NHSL1: variants seen among roughly 807,000 people sequenced by gnomAD.
The protein encoded by NHSL1 is NHS like 1.
Under a neutral mutation model 95.0 loss-of-function variants are expected in NHSL1, and 48 were observed. That is an observed-to-expected ratio of 0.51 (90% CI 0.40 to 0.64). NHSL1 has a LOEUF of 0.64. Among genes scored for constraint, NHSL1 ranks in the 30% least tolerant of loss-of-function variants. The pLI, the probability that NHSL1 is intolerant of heterozygous loss-of-function variation, is 0.00. For synonymous variants in NHSL1, 783 were observed against 833.9 expected, an observed-to-expected ratio of 0.94 and a Z score of 1.05; for missense variants, 1,971 against 2,077.7, an observed-to-expected ratio of 0.95 and a Z score of 1.00.
intron 1 of NHSL1, among the ~76,000 whole-genome samples, chr6:138,620,185 A>G (rs1784636228): frequency 6.6e-6 from 1 of 152,190 alleles, no homozygotes; most frequent in African/African-American, 2.4e-5. Flanking sequence ...AAATCTGCAC[A>G]AGGCAAGTAG....
chr6:138,459,101 C>T (rs914381853), intron 3 of NHSL1, among the ~76,000 whole-genome samples: 7 of 152,142 alleles, frequency 4.6e-5, no homozygotes, highest in African/African-American at 1.7e-4. Context: ...GGTTCTCCTT[C>T]CTCAGCCTGC....
chr6:138,684,646 G>GAA (rs370171537), intron 1 of NHSL1, among the ~76,000 whole-genome samples: 8,273 of 148,732 alleles, frequency 0.056, 315 homozygotes, highest in African/African-American at 0.098. Flanking sequence ...CTCCGTCTCA[G>GAA]AAAAACAAAC....
At chr6:138,549,641 T>A (rs79000163), upstream of NHSL1, among the ~76,000 whole-genome samples, 4,352 of 152,322 alleles carry the variant, frequency 0.029, 82 homozygotes, top group South Asian at 0.052. Context: ...GGGTAATTTG[T>A]TACAGTGACT....
chr6:138,660,640 CAAAAAAAAAAAG>C (rs1436219600), intron 1 of NHSL1, among the ~76,000 whole-genome samples: 1 of 127,716 alleles, frequency 7.8e-6, no homozygotes, highest in Non-Finnish European at 1.7e-5. Flanking sequence ...GACTCCGTCT[CAAAAAAAAAAAG>C]AAAAAAAAAA....
chr6:138,424,453 T>A lies in NHSL1; in HGVS notation c.4449A>T (p.Glu1483Asp). 2 of 1,550,832 alleles carry A rather than the reference T, an allele frequency of 1.3e-6. No individual in the cohort carries two copies. The highest frequency in any genetic ancestry group is 2.4e-5 in the South Asian group (2 of 84,040). ...AGGACAGACTCCGAGGCATCAAGCC[T>A]TCGTTCTTGGCCCACTCCTCCTGCG... ...RRAQEEWAKN[E>D]GLMPRSLSFS... The change falls in exon 8 of 8, where the codon GAA becomes GAT. Residue 1483 changes from glutamate to aspartate, a missense_variant. By Grantham distance (45) the Glu-to-Asp change is conservative (BLOSUM62 2). Around this residue, in one of 3 missense-constraint regions of NHSL1, gnomAD observed 223 missense variants for 217.0 expected, o/e 1.03. Transcript: ENST00000343505. The surrounding 1 kb of genome is among the most constrained non-coding windows in gnomAD (Gnocchi z 5.9).
chr6:138,459,836 T>C (rs1777875914), intron 3 of NHSL1, among the ~76,000 whole-genome samples: 1 of 152,210 alleles, frequency 6.6e-6, no homozygotes, highest in Admixed American at 6.5e-5. Context: ...TCTTCAGATC[T>C]ATTAATATTA....
At chr6:138,535,387 A>T (rs1376316251) in intron 1 of NHSL1, among the ~76,000 whole-genome samples, 1 of 152,082 alleles carries the variant, frequency 6.6e-6, no homozygotes, top group Non-Finnish European at 1.5e-5. Flanking sequence ...AACACAGTAA[A>T]ACCCCACCTC....
chr6:138,607,624 G>A (rs1380653545), intron 1 of NHSL1, among the ~76,000 whole-genome samples: 1 of 152,112 alleles, frequency 6.6e-6, no homozygotes, highest in Non-Finnish European at 1.5e-5. Context: ...AACAAGTTGT[G>A]GTACATGGAA....
At chr6:138,554,283 T>C (rs891202013) in intron 1 of NHSL1, among the ~76,000 whole-genome samples, 3 of 152,220 alleles carry the variant, frequency 2.0e-5, no homozygotes, top group African/African-American at 7.2e-5. Flanking sequence ...ATAAACTGAC[T>C]TGCAATGTAT....
upstream of NHSL1, among the ~76,000 whole-genome samples, chr6:138,550,200 C>A (rs1293763871): frequency 6.6e-6 from 1 of 151,912 alleles, no homozygotes; most frequent in Non-Finnish European, 1.5e-5. Context: ...GATCGTGCCA[C>A]TGTATTCCAG....
intron 1 of NHSL1, among the ~76,000 whole-genome samples, chr6:138,522,325 T>C (rs1000647759): frequency 2.0e-5 from 3 of 152,154 alleles, no homozygotes; most frequent in African/African-American, 7.2e-5. Flanking sequence ...CTGGGCAACA[T>C]AGCAAAACCC....
intron 5 of NHSL1, among the ~76,000 whole-genome samples, chr6:138,434,824 G>A (rs1380022381): frequency 6.6e-6 from 1 of 152,136 alleles, no homozygotes; most frequent in Admixed American, 6.5e-5. Context: ...ACCAGGGCAT[G>A]GACTGGATAT....
intron 1 of NHSL1, among the ~76,000 whole-genome samples, chr6:138,550,860 TCTTA>T (rs1782976994): frequency 2.0e-5 from 3 of 152,166 alleles, no homozygotes; most frequent in South Asian, 4.2e-4. Flanking sequence ...CTATGTATCC[TCTTA>T]CTCTTGCCAA....
chr6:138,576,532 G>A (rs1442329082), upstream of NHSL1, among the ~76,000 whole-genome samples: 4 of 152,138 alleles, frequency 2.6e-5, no homozygotes, highest in African/African-American at 4.8e-5. Context: ...GTCATCACAT[G>A]TGCCAATAAC....
intron 1 of NHSL1, among the ~76,000 whole-genome samples, chr6:138,526,977 C>T (rs1781931190): frequency 6.6e-6 from 1 of 152,116 alleles, no homozygotes; most frequent in Non-Finnish European, 1.5e-5. Flanking sequence ...AGCATTTATC[C>T]CGCTTCTTTG....
intron 1 of NHSL1, among the ~76,000 whole-genome samples, chr6:138,634,758 C>T (rs116575380): frequency 0.053 from 8,058 of 151,624 alleles, 254 homozygotes; most frequent in East Asian, 0.081. Context: ...TTTTCCTTAT[C>T]GCATGGATCA....
intron 1 of NHSL1, among the ~76,000 whole-genome samples, chr6:138,689,598 T>C (rs1785634144): frequency 6.6e-6 from 1 of 152,194 alleles, no homozygotes; most frequent in Non-Finnish European, 1.5e-5. Flanking sequence ...GGTAGAAAGC[T>C]ATTATTGGTC....
intron 1 of NHSL1, among the ~76,000 whole-genome samples, chr6:138,680,347 G>A (rs1276434855): frequency 6.6e-6 from 1 of 152,098 alleles, no homozygotes; most frequent in Non-Finnish European, 1.5e-5. Flanking sequence ...CCGCAGTCAG[G>A]TTGTTAAAAC....
At chr6:138,654,589 T>C (rs1424350682) in intron 1 of NHSL1, among the ~76,000 whole-genome samples, 1 of 152,178 alleles carries the variant, frequency 6.6e-6, no homozygotes, top group African/African-American at 2.4e-5. Flanking sequence ...TTTTTTTTTA[T>C]GTGACAAATT....
Sources: gnomAD v4.1 joint callset for allele counts (sites outside exome capture counted in the v4.1 genomes callset) on GRCh38, gnomAD v4.1.1 for gene constraint, gnomAD v4.1.1 regional missense constraint, Gnocchi (gnomAD v3.1) non-coding constraint, MANE v1.5 for transcripts, NCBI Gene and HGNC (gene_info 2026-07-23, HGNC 2026-07-21) for gene names.